ATP2B4: variants seen among roughly 807,000 people sequenced by gnomAD.
ATP2B4 encodes ATPase plasma membrane Ca2+ transporting 4.
A neutral mutation model predicts 110.3 loss-of-function variants in ATP2B4; 39 were observed. That is an observed-to-expected ratio of 0.35 (90% CI 0.27 to 0.46). The LOEUF (loss-of-function observed/expected upper bound fraction) is 0.46, where lower values mean the gene tolerates loss of function less well. Among genes scored for constraint, ATP2B4 ranks in the 20% least tolerant of loss-of-function variants. ATP2B4 has a pLI of 1.00. For missense variants in ATP2B4, 1,135 were observed against 1,530.9 expected (o/e 0.74, Z 4.32); for synonymous variants, 538 against 571.7 (o/e 0.94, Z 0.84).
intron 6 of ATP2B4, among the ~76,000 whole-genome samples, chr1:203,701,335 A>C (rs867177361): frequency 6.6e-6 from 1 of 152,228 alleles, no homozygotes; most frequent in South Asian, 2.1e-4. Context: ...CCAGAAGAGT[A>C]AAATAGATTT....
At position 203,683,045 on chromosome 1, in the gene ATP2B4, C is replaced by G; in HGVS notation, c.-161C>G. ...AGGATCTAGACTTCGGACGGCTACT[C>G]GGGAGCTTATTGCACAAGATATATT... On this transcript the variant is annotated 5_prime_UTR_variant, in exon 2 of 21. Coordinates refer to ENST00000357681, the MANE Select transcript of ATP2B4 (RefSeq NM_001684.5). 2 of 712,688 alleles carry G rather than the reference C, an allele frequency of 2.8e-6. No homozygotes were observed. Among genetic ancestry groups the G allele is most frequent in the Non-Finnish European group, 4.5e-6 (2 of 446,214 alleles). 44.1% of individuals were successfully genotyped at this position (712,688 alleles called of 1,614,324 possible).
intron 11 of ATP2B4, 71 bp downstream of exon 11, chr1:203,709,613 A>G (rs1438124421): frequency 6.3e-7 from 1 of 1,594,970 alleles, no homozygotes; most frequent in East Asian, 2.2e-5. Flanking sequence ...CACACCCCAC[A>G]CTGAACCCAT....
intron 1 of ATP2B4, among the ~76,000 whole-genome samples, chr1:203,658,173 C>T (rs777758034): frequency 3.5e-4 from 53 of 151,994 alleles, no homozygotes; most frequent in African/African-American, 1.2e-3. Flanking sequence ...GGTCTGGAAT[C>T]GTACCTGCAA....
chr1:203,721,470 A>G, intron 17 of ATP2B4, 60 bp downstream of exon 17: 2 of 1,545,238 alleles, frequency 1.3e-6, no homozygotes, highest in South Asian at 2.3e-5. Flanking sequence ...GGGCAGAGAA[A>G]GAAGGTAGCG....
chr1:203,708,559 C>T (rs1665915803), intron 10 of ATP2B4, among the ~76,000 whole-genome samples: 1 of 152,134 alleles, frequency 6.6e-6, no homozygotes, highest in Non-Finnish European at 1.5e-5. Context: ...TCTCTGCCTA[C>T]CCTTGAAAAA....
intron 2 of ATP2B4, 59 bp from the exon 3 acceptor site, chr1:203,698,098 G>A (rs149574192): frequency 1.3e-6 from 2 of 1,521,156 alleles, no homozygotes; most frequent in African/African-American, 2.7e-5. Flanking sequence ...CTTCAAAACT[G>A]CCTTTTATCA....
intron 1 of ATP2B4, among the ~76,000 whole-genome samples, chr1:203,634,276 G>A (rs1663370048): frequency 6.6e-6 from 1 of 152,164 alleles, no homozygotes; most frequent in South Asian, 2.1e-4. Flanking sequence ...TCACCATGTA[G>A]TGCAGTAAAT....
rs571641010 is a variant in ATP2B4, at chr1:203,657,748, C to T, written c.-464-24994C>T. On this transcript the variant is annotated intron_variant, in intron 1 of 20. Transcript: ENST00000357681. ...TGTTTATGGTGTAATTCAATATATT[C>T]GTTCTGTGGCATGGTGACAGGCGCA... 2,191 of 693,186 alleles carry T rather than the reference C, an allele frequency of 3.2e-3. 13 individuals are homozygous for T. Among genetic ancestry groups the T allele is most frequent in the Non-Finnish European group, 3.1e-3 (1,172 of 381,804 alleles). The allele number at this position is 693,186 out of a possible 1,614,324, so 42.9% of individuals were successfully genotyped here. A position where few individuals can be genotyped will look rare whatever the true frequency, so the allele number is the denominator to read the frequency against.
chr1:203,631,250 C>G (rs1483341508), intron 1 of ATP2B4, among the ~76,000 whole-genome samples: 1 of 152,210 alleles, frequency 6.6e-6, no homozygotes, highest in East Asian at 1.9e-4. Flanking sequence ...GGGGCAGAGC[C>G]CCCATTTCTA....
chr1:203,651,475 C>CT (rs1663992130), intron 1 of ATP2B4, among the ~76,000 whole-genome samples: 1 of 152,182 alleles, frequency 6.6e-6, no homozygotes, highest in Non-Finnish European at 1.5e-5. Flanking sequence ...TTTCCTATCC[C>CT]ATCCCCCCAC....
chr1:203,699,578 T>C lies in ATP2B4; in HGVS notation c.510T>C (p.Asp170=), dbSNP rs1295698891. 6 of 1,614,172 alleles carry C rather than the reference T, an allele frequency of 3.7e-6. No individual in the cohort carries two copies. Among genetic ancestry groups the C allele is most frequent in the Non-Finnish European group, 5.1e-6 (6 of 1,180,042 alleles). ...IIVVLVTAFN[D]WSKEKQFRGL... is the part of the protein sequence containing the mutation. Reference sequence around the variant, plus strand: ...TGGTGTTAGTGACTGCCTTTAATGATTGGAGCAAAGAGAAGCAATTCCGGG... The same window carrying C: ...TGGTGTTAGTGACTGCCTTTAATGACTGGAGCAAAGAGAAGCAATTCCGGG... The change falls in exon 4 of 21, where the codon GAT becomes GAC. Residue 170 remains aspartate, a synonymous_variant. Transcript: ENST00000357681.
chr1:203,648,350 G>C (rs760939375), intron 1 of ATP2B4, among the ~76,000 whole-genome samples: 1 of 152,134 alleles, frequency 6.6e-6, no homozygotes, highest in Non-Finnish European at 1.5e-5. Context: ...AGATCTGGAG[G>C]CTGTCACCAG....
intron 1 of ATP2B4, among the ~76,000 whole-genome samples, chr1:203,628,942 A>T (rs914335163): frequency 1.3e-5 from 2 of 152,168 alleles, no homozygotes; most frequent in Non-Finnish European, 1.5e-5. Context: ...GTGTTCTGGA[A>T]GGTGGGCCCT....
At chr1:203,694,712 G>A (rs999951826) in intron 2 of ATP2B4, among the ~76,000 whole-genome samples, 2 of 152,110 alleles carry the variant, frequency 1.3e-5, no homozygotes, top group Non-Finnish European at 2.9e-5. Flanking sequence ...CAGATGAATC[G>A]CATGTACTGC....
chr1:203,653,985 A>ATATATATATATATAT (rs1426863910), intron 1 of ATP2B4, among the ~76,000 whole-genome samples: 8 of 112,442 alleles, frequency 7.1e-5, no homozygotes, highest in African/African-American at 2.0e-4. Flanking sequence ...ATATATATAT[A>ATATATATATATATAT]TTTTTTTTTT....
intron 9 of ATP2B4, 126 bp downstream of exon 9, chr1:203,707,349 C>G (rs1345167890): frequency 1.2e-6 from 1 of 829,062 alleles, no homozygotes; most frequent in Non-Finnish European, 1.8e-6. Flanking sequence ...CTCACAAGAG[C>G]AGAAGTCCCT....
chr1:203,674,844 G>T (rs1664783189), intron 1 of ATP2B4, among the ~76,000 whole-genome samples: 1 of 151,770 alleles, frequency 6.6e-6, no homozygotes. Context: ...TTTTAGTAGA[G>T]ACGGGGTTTC....
In ATP2B4 at chr1:203,715,225, A is replaced by G. The variant is rs555907310; in HGVS notation, c.2406+948A>G. Among the ~76,000 whole-genome samples, 17 of 148,278 alleles carry G rather than the reference A, an allele frequency of 1.1e-4. 1 individual carries two copies. The highest frequency in any genetic ancestry group is 3.9e-4 in the African/African-American group (16 of 40,530). On this transcript the variant is annotated intron_variant, in intron 15 of 20. Transcript: ENST00000357681. ...GGGAGGCAGAGGTTGCAGCGAGCCA[A>G]GATCACGCCACTGCACTCCAGCCTG...
intron 1 of ATP2B4, among the ~76,000 whole-genome samples, chr1:203,638,207 G>A (rs371468016): frequency 3.3e-5 from 5 of 152,300 alleles, no homozygotes; most frequent in African/African-American, 1.2e-4. Flanking sequence ...GGATACTCTG[G>A]CAGGTGAGGG....
Sources: allele counts gnomAD v4.1 joint callset (sites outside exome capture counted in the v4.1 genomes callset), GRCh38; gene constraint gnomAD v4.1.1; transcripts MANE v1.5; gene names NCBI Gene and HGNC (gene_info 2026-07-23, HGNC 2026-07-21).